The following DOCK2 variants were observed in gnomAD, a reference collection of about 807,000 sequenced individuals.
DOCK2 encodes the protein dedicator of cytokinesis 2, also known as dedicator of cytokinesis protein 2.
DOCK2 carries 87 observed loss-of-function variants against 248.9 expected under a neutral mutation model. The observed-to-expected ratio is 0.35, with a 90% CI of 0.29 to 0.42. The LOEUF (loss-of-function observed/expected upper bound fraction) is 0.42. Among genes scored for constraint, DOCK2 ranks in the 10% least tolerant of loss-of-function variants. The probability of loss-of-function intolerance (pLI) is 1.00; values close to 1 mark genes in which losing one functional copy is unlikely to be tolerated. For missense variants in DOCK2, 1,747 were observed against 2,300.2 expected (o/e 0.76, Z 4.92); for synonymous variants, 805 against 821.6 (o/e 0.98, Z 0.35).
intron 27 of DOCK2, among the ~76,000 whole-genome samples, chr5:169,948,998 G>T (rs1182995878): frequency 6.6e-6 from 1 of 152,184 alleles, no homozygotes; most frequent in Non-Finnish European, 1.5e-5. Flanking sequence ...TTACAAAGGT[G>T]CAATAGAAGC....
chr5:169,984,526 T>C (rs1285332987), intron 28 of DOCK2, among the ~76,000 whole-genome samples: 1 of 152,238 alleles, frequency 6.6e-6, no homozygotes. Flanking sequence ...TGAGGTAGTT[T>C]TCCCTAGCAA....
At chr5:170,066,288 A>G (rs2113866738) in intron 44 of DOCK2, among the ~76,000 whole-genome samples, 1 of 150,396 alleles carries the variant, frequency 6.6e-6, no homozygotes, top group Admixed American at 6.6e-5. Flanking sequence ...GAAAAACTGT[A>G]AAAAAAAACA....
intron 33 of DOCK2, among the ~76,000 whole-genome samples, chr5:170,024,496 T>A (rs1755837856): frequency 1.3e-5 from 2 of 151,648 alleles, no homozygotes; most frequent in South Asian, 2.1e-4. Flanking sequence ...AATGAGAGTA[T>A]GATGCCTATG....
At chr5:169,951,104 C>T (rs917660951) in intron 27 of DOCK2, among the ~76,000 whole-genome samples, 24 of 152,176 alleles carry the variant, frequency 1.6e-4, no homozygotes, top group African/African-American at 3.1e-4. Context: ...ATCTGGGACA[C>T]GGTCCCCACC....
At chr5:169,735,818 G>A (rs1191748388) in intron 22 of DOCK2, among the ~76,000 whole-genome samples, 1 of 152,154 alleles carries the variant, frequency 6.6e-6, no homozygotes, top group Non-Finnish European at 1.5e-5. Context: ...GAAGAAAAGA[G>A]TAAGTTTAAT....
chr5:169,710,575 CA>C (rs1761521906), intron 15 of DOCK2, among the ~76,000 whole-genome samples: 1 of 152,214 alleles, frequency 6.6e-6, no homozygotes, highest in Admixed American at 6.5e-5. Flanking sequence ...GGAATTAATT[CA>C]GTGAACACTG....
intron 42 of DOCK2, among the ~76,000 whole-genome samples, chr5:170,055,636 G>A (rs1331840539): frequency 2.0e-5 from 3 of 152,270 alleles, no homozygotes; most frequent in African/African-American, 7.2e-5. Context: ...CAAGCATCGA[G>A]CATTTGCTCA....
In DOCK2 at chr5:169,674,365, G is replaced by C; in HGVS notation, c.390G>C (p.Gln130His). 1 of 1,614,194 alleles carries C rather than the reference G, an allele frequency of 6.2e-7. No individual in the cohort carries two copies. The highest frequency in any genetic ancestry group is 8.5e-7 in the Non-Finnish European group (1 of 1,180,022). The change falls in exon 6 of 52, where the codon CAG (glutamine) becomes CAC (histidine). Residue 130 changes from glutamine to histidine, a missense_variant. By Grantham distance (24) the Gln-to-His change is conservative (BLOSUM62 0). This residue lies in a region of DOCK2 where 375 missense variants were observed against 510.9 expected (regional missense o/e 0.73). Coordinates refer to ENST00000520908, the MANE Select transcript of DOCK2 (RefSeq NM_004946.3). ...ACGATCTGATGGAGTGGAGGTCCCA[G>C]CTTCTCTCAGGAACCTTACCCAAGG... Reference protein sequence around the residue: ...MMYDLMEWRSQLLSGTLPKDE... With the variant: ...MMYDLMEWRSHLLSGTLPKDE...
chr5:169,971,187 G>T (rs1294406821), intron 27 of DOCK2, among the ~76,000 whole-genome samples: 1 of 100,420 alleles, frequency 1.0e-5, no homozygotes, highest in South Asian at 2.5e-4. Context: ...GGAAAGAAAG[G>T]CAAAAAAAAA....
intron 39 of DOCK2, 79 bp from the exon 40 acceptor site, chr5:170,047,431 T>C: frequency 7.9e-7 from 1 of 1,266,672 alleles, no homozygotes; most frequent in Non-Finnish European, 1.1e-6. Flanking sequence ...AATGAAAATG[T>C]CTTCACCAAG....
At chr5:169,797,496 C>T (rs1766725880) in intron 25 of DOCK2, among the ~76,000 whole-genome samples, 1 of 152,258 alleles carries the variant, frequency 6.6e-6, no homozygotes. Context: ...CTGACCGCCA[C>T]ATGACAAAAC....
intron 38 of DOCK2, among the ~76,000 whole-genome samples, chr5:170,042,652 A>G (rs1457545796): frequency 6.6e-6 from 1 of 152,052 alleles, no homozygotes; most frequent in Non-Finnish European, 1.5e-5. Context: ...TTCCTCCACC[A>G]TAGCTGCCCA....
At chr5:169,706,914 G>C (rs1473690560) in intron 14 of DOCK2, among the ~76,000 whole-genome samples, 1 of 152,180 alleles carries the variant, frequency 6.6e-6, no homozygotes, top group Non-Finnish European at 1.5e-5. Context: ...CGGAGTGCCT[G>C]TATGTGGCCA....
chr5:170,052,179 T>C (rs899101134), intron 41 of DOCK2, among the ~76,000 whole-genome samples: 3 of 152,198 alleles, frequency 2.0e-5, no homozygotes, highest in African/African-American at 7.2e-5. Flanking sequence ...AATATTCTTC[T>C]CTCCGGTGGT....
At chr5:169,749,517 A>T (rs533626601) in intron 23 of DOCK2, among the ~76,000 whole-genome samples, 2 of 152,334 alleles carry the variant, frequency 1.3e-5, no homozygotes, top group African/African-American at 4.8e-5. Flanking sequence ...ATATCTGTTG[A>T]ATTAATTAAT....
At chr5:169,721,095 A>G (rs920252371) in intron 22 of DOCK2, among the ~76,000 whole-genome samples, 1 of 152,186 alleles carries the variant, frequency 6.6e-6, no homozygotes, top group African/African-American at 2.4e-5. Flanking sequence ...ACATTTGTGC[A>G]TTTGTTTTGC....
chr5:169,730,321 G>T (rs951149977), intron 22 of DOCK2, among the ~76,000 whole-genome samples: 9 of 152,206 alleles, frequency 5.9e-5, no homozygotes, highest in African/African-American at 1.9e-4. Context: ...GGAGAAGGAG[G>T]TGCAGGGAGG....
intron 27 of DOCK2, among the ~76,000 whole-genome samples, chr5:169,891,947 G>T (rs1211850883): frequency 7.0e-6 from 1 of 143,600 alleles, no homozygotes; most frequent in African/African-American, 2.6e-5. Flanking sequence ...AGTGAGCCGA[G>T]ATTGTGCCAT....
At chr5:169,931,379 T>C (rs1775745271) in intron 27 of DOCK2, among the ~76,000 whole-genome samples, 1 of 152,216 alleles carries the variant, frequency 6.6e-6, no homozygotes, top group Non-Finnish European at 1.5e-5. Context: ...GCCTTGATAT[T>C]GCCGCCTCTC....
Sources: allele counts gnomAD v4.1 joint callset (sites outside exome capture counted in the v4.1 genomes callset), GRCh38; gene constraint gnomAD v4.1.1; regional missense constraint gnomAD v4.1.1; transcripts MANE v1.5; gene names NCBI Gene and HGNC (gene_info 2026-07-23, HGNC 2026-07-21).